The following EPHA3 variants were observed in gnomAD, a reference collection of about 807,000 sequenced individuals.
EPHA3 encodes ephrin type-A receptor 3.
EPHA3 carries 42 observed loss-of-function variants against 107.1 expected under a neutral mutation model. The observed-to-expected ratio is 0.39, with a 90% CI of 0.31 to 0.51. EPHA3 has a LOEUF of 0.51. Among genes scored for constraint, EPHA3 ranks in the 20% least tolerant of loss-of-function variants. The pLI, the probability that EPHA3 is intolerant of heterozygous loss-of-function variation, is 0.78. For synonymous variants in EPHA3, 461 were observed against 424.8 expected (o/e 1.09, Z -1.05); for missense variants, 1,183 against 1,211.2 (o/e 0.98, Z 0.35).
chr3:89,268,798 A>G (rs1705595813), intron 3 of EPHA3, among the ~76,000 whole-genome samples: 1 of 151,874 alleles, frequency 6.6e-6, no homozygotes, highest in South Asian at 2.1e-4. Context: ...ATTGGCTTTT[A>G]TATACTCCAT....
At position 89,413,225 on chromosome 3, in the gene EPHA3, T is replaced by G; in HGVS notation, c.1847T>G (p.Leu616Trp). The change falls in exon 10 of 17, where the codon TTG (leucine) becomes TGG (tryptophan). Residue 616 changes from leucine (L) to tryptophan (W), a missense_variant. By Grantham distance (61) the Leu-to-Trp change is moderately conservative. Transcript: ENST00000336596. ...TQAVHEFAKE[L>W]DATNISIDKV... ...GCTGTTCATGAGTTTGCCAAGGAAT[T>G]GGATGCCACCAACATATCCATTGAT... 1 of 1,611,830 alleles carries G rather than the reference T, an allele frequency of 6.2e-7. No individual in the cohort carries two copies. Among genetic ancestry groups the G allele is most frequent in the South Asian group, 1.1e-5 (1 of 91,054 alleles).
rs375250602 is a variant in EPHA3 at position 89,249,394 on chromosome 3, A to G, written c.814+38874A>G. On this transcript the variant is annotated intron_variant, in intron 3 of 16. Coordinates refer to ENST00000336596, the MANE Select transcript of EPHA3 (RefSeq NM_005233.6). ...CTAAATTCATGGTTTCTTTGTTAGT[A>G]CAGTTTCATTCATCGTTATTAGCTT... Among the ~76,000 whole-genome samples the G allele has an allele frequency of 2.0e-4, 30 of 152,242 alleles. 2 individuals are homozygous for G. The South Asian group carries it at 6.0e-3, about 30-fold the overall frequency.
At chr3:89,410,182 C>T (rs1709132088) in intron 9 of EPHA3, among the ~76,000 whole-genome samples, 1 of 151,746 alleles carries the variant, frequency 6.6e-6, no homozygotes, top group African/African-American at 2.4e-5. Flanking sequence ...TTTTTTCCCC[C>T]AAATGTCTTA....
intron 4 of EPHA3, 54 bp from the exon 5 acceptor site, chr3:89,341,701 T>C (rs1707525407): frequency 7.3e-7 from 1 of 1,361,830 alleles, no homozygotes; most frequent in South Asian, 1.4e-5. Context: ...TCTATTTCCC[T>C]TGTAGTAGAA....
intron 2 of EPHA3, among the ~76,000 whole-genome samples, chr3:89,134,725 A>G (rs1308876221): frequency 6.6e-6 from 1 of 152,108 alleles, no homozygotes; most frequent in African/African-American, 2.4e-5. Flanking sequence ...TCTCCTGTGC[A>G]AAATTTCTTG....
intron 3 of EPHA3, among the ~76,000 whole-genome samples, chr3:89,221,867 T>C (rs893463457): frequency 1.3e-5 from 2 of 152,166 alleles, no homozygotes; most frequent in Admixed American, 1.3e-4. Context: ...AATTTGCAAG[T>C]TCCTGCTGCC....
rs1559606421 is a variant in EPHA3, at chr3:89,219,710, GT to G, written c.814+9206del. Among the ~76,000 whole-genome samples the G allele has an allele frequency of 5.0e-4, 13 of 25,928 alleles. 1 individual carries two copies. The highest frequency in any genetic ancestry group is 1.5e-3 in the Admixed American group (2 of 1,298). 17.0% of individuals were successfully genotyped at this position (25,928 alleles called of 152,430 possible). A position where few individuals can be genotyped will look rare whatever the true frequency, so the allele number is the denominator to read the frequency against. On this transcript the variant is annotated intron_variant, in intron 3 of 16. Coordinates refer to ENST00000336596, the MANE Select transcript of EPHA3 (RefSeq NM_005233.6). ...AATGTTTTTTTTTTTTTTGTTTTTTGTTTTTTTTTTTTTTTTGAGACGGAGT... is the reference window on the plus strand; with the variant it reads ...AATGTTTTTTTTTTTTTTGTTTTTTGTTTTTTTTTTTTTTTGAGACGGAGT...
intron 3 of EPHA3, among the ~76,000 whole-genome samples, chr3:89,214,527 G>A (rs1290649558): frequency 1.3e-5 from 2 of 151,854 alleles, no homozygotes; most frequent in Non-Finnish European, 2.9e-5. Context: ...ATATATTTGT[G>A]TATTCATTAT....
intron 12 of EPHA3, among the ~76,000 whole-genome samples, chr3:89,429,695 C>A (rs528812970): frequency 2.7e-5 from 4 of 149,130 alleles, no homozygotes; most frequent in Non-Finnish European, 6.0e-5. Context: ...GTTTATCTAT[C>A]ATCTATCTAT....
At chr3:89,208,419 GAAGGAAGAAAGA>G (rs1333800203) in intron 2 of EPHA3, among the ~76,000 whole-genome samples, 1 of 36,564 alleles carries the variant, frequency 2.7e-5, no homozygotes, top group Non-Finnish European at 4.9e-5. Context: ...AGGAAGGAAG[GAAGGAAGAAAGA>G]AAGAAAGAAA....
At chr3:89,372,471 A>G (rs913736330) in intron 5 of EPHA3, among the ~76,000 whole-genome samples, 2 of 151,724 alleles carry the variant, frequency 1.3e-5, no homozygotes, top group Admixed American at 6.6e-5. Context: ...ATTGAAAAAA[A>G]AAAACTTTGC....
chr3:89,120,883 C>G (rs1178620635), intron 1 of EPHA3, among the ~76,000 whole-genome samples: 3 of 152,158 alleles, frequency 2.0e-5, no homozygotes, highest in Admixed American at 6.5e-5. Context: ...CATAAATAGG[C>G]TGTTAAAATA....
At chr3:89,202,285 A>G (rs1217698114) in intron 2 of EPHA3, among the ~76,000 whole-genome samples, 1 of 151,944 alleles carries the variant, frequency 6.6e-6, no homozygotes, top group Non-Finnish European at 1.5e-5. Context: ...ACTTGACGCC[A>G]GGGGTTAGAG....
intron 3 of EPHA3, among the ~76,000 whole-genome samples, chr3:89,225,340 G>T (rs945541860): frequency 6.6e-6 from 1 of 151,968 alleles, no homozygotes; most frequent in Non-Finnish European, 1.5e-5. Flanking sequence ...AAAAGATTTT[G>T]GTGTGTTCGA....
At chr3:89,147,120 G>C (rs1704576937) in intron 2 of EPHA3, among the ~76,000 whole-genome samples, 1 of 151,836 alleles carries the variant, frequency 6.6e-6, no homozygotes, top group Non-Finnish European at 1.5e-5. Context: ...TCATTCATAA[G>C]TGGGAGCTGA....
chr3:89,427,936 A>G (rs1452295771), intron 11 of EPHA3, among the ~76,000 whole-genome samples: 3 of 151,916 alleles, frequency 2.0e-5, no homozygotes, highest in Non-Finnish European at 4.4e-5. Context: ...TTAGTTTTAC[A>G]TAATCTTCTT....
chr3:89,424,180 C>A (rs1404277032), intron 11 of EPHA3, among the ~76,000 whole-genome samples: 1 of 151,090 alleles, frequency 6.6e-6, no homozygotes, highest in Non-Finnish European at 1.5e-5. Context: ...GAAAGTGTAT[C>A]AAAAAAGATA....
intron 2 of EPHA3, among the ~76,000 whole-genome samples, chr3:89,178,088 A>G (rs1267713714): frequency 6.6e-6 from 1 of 152,082 alleles, no homozygotes; most frequent in African/African-American, 2.4e-5. Context: ...CTACCACTGA[A>G]ATTTTTATCT....
chr3:89,244,408 A>G (rs1048959177), intron 3 of EPHA3, among the ~76,000 whole-genome samples: 7 of 152,088 alleles, frequency 4.6e-5, no homozygotes, highest in African/African-American at 7.2e-5. Context: ...TAGTATTCAC[A>G]TGGTTACATA....
Sources: allele counts gnomAD v4.1 joint callset (sites outside exome capture counted in the v4.1 genomes callset), GRCh38; gene constraint gnomAD v4.1.1; transcripts MANE v1.5; gene names NCBI Gene and HGNC (gene_info 2026-07-23, HGNC 2026-07-21).